Variants in CUBN observed in about 807,000 individuals in gnomAD.
CUBN encodes the protein cubilin.
CUBN carries 282 observed loss-of-function variants against 405.3 expected under a neutral mutation model. The observed-to-expected ratio is 0.70, with a 90% CI of 0.63 to 0.77. The LOEUF (loss-of-function observed/expected upper bound fraction) is 0.77, where lower values mean the gene tolerates loss of function less well. Ranked by LOEUF, CUBN falls within the 30% of genes least tolerant of loss-of-function variation. CUBN has a pLI of 0.00. For synonymous variants in CUBN, 1,684 were observed against 1,617.0 expected, an observed-to-expected ratio of 1.04 and a Z score of -0.99; for missense variants, 4,514 against 4,475.2, an observed-to-expected ratio of 1.01 and a Z score of -0.25.
chr10:16,836,036 T>C (rs943607267), intron 63 of CUBN, among the ~76,000 whole-genome samples, 199 bp downstream of exon 63: 1 of 152,256 alleles, frequency 6.6e-6, no homozygotes, highest in Non-Finnish European at 1.5e-5. Context: ...GATAGTATTA[T>C]ATTCTCTTTA....
chr10:17,010,300 A>T (rs1371323444), intron 28 of CUBN, among the ~76,000 whole-genome samples: 1 of 152,246 alleles, frequency 6.6e-6, no homozygotes, highest in Non-Finnish European at 1.5e-5. Flanking sequence ...GAGATGAATC[A>T]ATCCAATCCC....
rs147752521 is a variant in CUBN, at chr10:17,084,390, A to G, written c.2182T>C (p.Phe728Leu). The G allele has an allele frequency of 4.8e-4, 778 of 1,614,088 alleles. 6 individuals are homozygous for G. The African/African-American group carries it at 6.5e-3, about 14-fold the overall frequency. Residue 728 changes from phenylalanine to leucine, a missense_variant, in exon 17 of 67, where the codon TTC (phenylalanine) becomes CTC (leucine). Phe to Leu is a conservative substitution (Grantham distance 22). Around this residue, in one of 5 missense-constraint regions of CUBN, gnomAD observed 1,448 missense variants for 1,388.0 expected, o/e 1.04. Coordinates refer to ENST00000377833, the MANE Select transcript of CUBN (RefSeq NM_001081.4). ...ELFLPELSGP[F>L]THTRQCVYMM... ...TAGACGCATTGCCTGGTGTGAGTGA[A>G]AGGCCCAGACAACTCAGGCAAGAAG...
chr10:16,854,873 G>A (rs989461930), intron 59 of CUBN, among the ~76,000 whole-genome samples: 2 of 151,848 alleles, frequency 1.3e-5, no homozygotes, highest in African/African-American at 4.9e-5. Context: ...TGTTTGCCAT[G>A]GATTGAGTGG....
At chr10:17,126,231 G>A (rs1837180294) in intron 4 of CUBN, among the ~76,000 whole-genome samples, 1 of 152,216 alleles carries the variant, frequency 6.6e-6, no homozygotes, top group African/African-American at 2.4e-5. Flanking sequence ...TCCTACAAAA[G>A]GGGTAAGAAG....
At chr10:17,109,941 T>C (rs1836731679) in intron 9 of CUBN, among the ~76,000 whole-genome samples, 1 of 152,172 alleles carries the variant, frequency 6.6e-6, no homozygotes, top group South Asian at 2.1e-4. Flanking sequence ...TCATAAGCAA[T>C]GTTCTGGGTT....
rs1347737272 is a variant in CUBN, at chr10:16,877,114, A to G, written c.8906-17T>C. 8 of 1,607,724 alleles carry G rather than the reference A, an allele frequency of 5.0e-6. No homozygotes were observed. The highest frequency in any genetic ancestry group is 1.3e-5 in the African/African-American group (1 of 74,728). ...CGGAACGAGCTGGAAAAGGCATGGA[A>G]CAACCGCATTATGATCAGAACCTAC... On this transcript the variant is annotated splice_polypyrimidine_tract_variant and intron_variant, in intron 56 of 66. Coordinates refer to ENST00000377833, the MANE Select transcript of CUBN (RefSeq NM_001081.4).
chr10:16,852,990 C>T (rs1236445209), intron 59 of CUBN, among the ~76,000 whole-genome samples: 1 of 151,984 alleles, frequency 6.6e-6, no homozygotes, highest in East Asian at 1.9e-4. Context: ...AAGAAAAAGG[C>T]CTTCTTTCAG....
At chr10:16,902,166 C>T (rs1841408409) in intron 51 of CUBN, among the ~76,000 whole-genome samples, 1 of 124,784 alleles carries the variant, frequency 8.0e-6, no homozygotes, top group African/African-American at 3.1e-5. Context: ...TTTGTATATA[C>T]TATATATAGT....
chr10:17,041,119 G>A lies in CUBN; in HGVS notation c.3931C>T (p.Arg1311Trp), dbSNP rs776683073. ...SENQHCNWTI[R>W]ATTGNTVNYT... is the part of the protein sequence containing the mutation. ...TTCACAGTGTTGCCTGTTGTTGCCC[G>A]GATGGTCCAGTTGCAATGCTGATTT... The change falls in exon 27 of 67, where the codon CGG becomes TGG. Residue 1311 changes from arginine (R) to tryptophan (W), a missense_variant. Around this residue, in one of 5 missense-constraint regions of CUBN, gnomAD observed 242 missense variants for 309.0 expected, o/e 0.78. Coordinates refer to ENST00000377833, the MANE Select transcript of CUBN (RefSeq NM_001081.4). 45 of 1,613,308 alleles carry A rather than the reference G, an allele frequency of 2.8e-5. 1 individual carries two copies. The highest frequency in any genetic ancestry group is 9.4e-5 in the African/African-American group (7 of 74,830).
At chr10:16,842,211 ATTAAAAAAAATTT>A (rs1205740020) in intron 60 of CUBN, among the ~76,000 whole-genome samples, 3 of 151,946 alleles carry the variant, frequency 2.0e-5, no homozygotes, top group African/African-American at 7.3e-5. Context: ...TGCCTAGCTA[ATTAAAAAAAATTT>A]TTAGAGATGG....
intron 59 of CUBN, among the ~76,000 whole-genome samples, chr10:16,852,425 A>C (rs1166153949): frequency 5.6e-3 from 284 of 50,974 alleles, no homozygotes; most frequent in Admixed American, 9.9e-3. Flanking sequence ...CCCTCACTCT[A>C]TCTTTCCATC....
chr10:16,984,358 C>T, intron 29 of CUBN, 79 bp from the exon 30 acceptor site: 2 of 1,353,304 alleles, frequency 1.5e-6, no homozygotes, highest in East Asian at 2.4e-5. Context: ...CATTTTGACC[C>T]CCGGCTCCTT....
intron 29 of CUBN, among the ~76,000 whole-genome samples, chr10:16,988,519 T>C (rs1833492343): frequency 6.6e-6 from 1 of 152,168 alleles, no homozygotes; most frequent in Non-Finnish European, 1.5e-5. Flanking sequence ...AAATCAGAGA[T>C]AGAAATGGTA....
At chr10:17,105,426 T>C in intron 11 of CUBN, 31 bp downstream of exon 11, 4 of 1,217,288 alleles carry the variant, frequency 3.3e-6, no homozygotes, top group Non-Finnish European at 3.7e-6. Flanking sequence ...TCTCAGGTAC[T>C]CTCTGTCCAC....
At chr10:17,077,054 G>C (rs76400056) in intron 17 of CUBN, among the ~76,000 whole-genome samples, 2 of 152,312 alleles carry the variant, frequency 1.3e-5, no homozygotes, top group Non-Finnish European at 2.9e-5. Context: ...AAGCCATGCC[G>C]TGATCACTTG....
At chr10:16,872,328 T>C (rs943361337) in intron 58 of CUBN, among the ~76,000 whole-genome samples, 1 of 143,416 alleles carries the variant, frequency 7.0e-6, no homozygotes, top group Admixed American at 6.9e-5. Flanking sequence ...ACTGAAAAAA[T>C]ACATTTAGAT....
At chr10:16,955,788 T>C (rs1458638353) in intron 31 of CUBN, among the ~76,000 whole-genome samples, 2 of 152,130 alleles carry the variant, frequency 1.3e-5, no homozygotes, top group African/African-American at 4.8e-5. Context: ...GCCTAAGTAA[T>C]GGGCCCAAGT....
chr10:16,866,759 T>C (rs780565164), intron 59 of CUBN, among the ~76,000 whole-genome samples: 3 of 152,190 alleles, frequency 2.0e-5, no homozygotes, highest in Non-Finnish European at 4.4e-5. Flanking sequence ...CACATTTCCA[T>C]TGCAGTTAGA....
At chr10:16,955,707 C>T (rs942872672) in intron 31 of CUBN, among the ~76,000 whole-genome samples, 1 of 152,158 alleles carries the variant, frequency 6.6e-6, no homozygotes, top group African/African-American at 2.4e-5. Context: ...CAGCCCTTCA[C>T]GTACACTGTC....
Sources: gnomAD v4.1 joint callset for allele counts (sites outside exome capture counted in the v4.1 genomes callset) on GRCh38, gnomAD v4.1.1 for gene constraint, gnomAD v4.1.1 regional missense constraint, MANE v1.5 for transcripts, NCBI Gene and HGNC (gene_info 2026-07-23, HGNC 2026-07-21) for gene names.